Variants in GLIS3 observed in about 807,000 individuals in gnomAD.
GLIS3 encodes the protein GLIS family zinc finger 3, also known as zinc finger protein GLIS3.
A neutral mutation model predicts 78.6 loss-of-function variants in GLIS3; 53 were observed. That is an observed-to-expected ratio of 0.67 (90% CI 0.54 to 0.85). The LOEUF (loss-of-function observed/expected upper bound fraction) is 0.85, where lower values mean the gene tolerates loss of function less well. Among genes scored for constraint, GLIS3 ranks in the 40% least tolerant of loss-of-function variants. GLIS3 has a pLI of 0.00. For synonymous variants in GLIS3, 684 were observed against 509.9 expected (o/e 1.34, Z -4.60); for missense variants, 1,703 against 1,231.1 (o/e 1.38, Z -5.74).
chr9:3,998,397 G>T (rs1185093316), intron 4 of GLIS3, among the ~76,000 whole-genome samples: 1 of 152,026 alleles, frequency 6.6e-6, no homozygotes, highest in Admixed American at 6.6e-5. Context: ...ATATATCACA[G>T]AGTTTTTCTT....
At chr9:4,258,588 A>G (rs550887068) in intron 2 of GLIS3, among the ~76,000 whole-genome samples, 4 of 152,344 alleles carry the variant, frequency 2.6e-5, no homozygotes, top group East Asian at 3.9e-4. Context: ...AAGAATTCAC[A>G]TATCTGGAAG....
the GLIS3 span, among the ~76,000 whole-genome samples, chr9:4,359,281 A>C: frequency 6.6e-6 from 1 of 151,864 alleles, no homozygotes; most frequent in African/African-American, 2.4e-5. Flanking sequence ...GAGTGGCTGG[A>C]ACTGGCATAT....
At chr9:4,257,361 A>C (rs1825058956) in intron 2 of GLIS3, among the ~76,000 whole-genome samples, 1 of 152,182 alleles carries the variant, frequency 6.6e-6, no homozygotes, top group South Asian at 2.1e-4. Context: ...CAAAGGGCAC[A>C]AAGGTGCAGT....
the GLIS3 span, among the ~76,000 whole-genome samples, chr9:4,431,490 T>C: frequency 6.6e-6 from 1 of 152,176 alleles, no homozygotes; most frequent in Non-Finnish European, 1.5e-5. Flanking sequence ...GGAGTCGGGA[T>C]CTTTTCATCC....
chr9:4,243,963 C>T (rs923088045), intron 2 of GLIS3, among the ~76,000 whole-genome samples: 3 of 152,184 alleles, frequency 2.0e-5, no homozygotes, highest in Non-Finnish European at 2.9e-5. Flanking sequence ...ACAAAATGAA[C>T]TTCTTTCCCT....
chr9:4,488,764 T>G, the GLIS3 span, among the ~76,000 whole-genome samples: 2 of 152,180 alleles, frequency 1.3e-5, no homozygotes, highest in South Asian at 2.1e-4. Context: ...GTGATCCGCC[T>G]GCCTTGGCCT....
chr9:4,411,030 C>A, the GLIS3 span, among the ~76,000 whole-genome samples: 1 of 152,164 alleles, frequency 6.6e-6, no homozygotes, highest in Non-Finnish European at 1.5e-5. Context: ...AGAACCAAAA[C>A]AAGTATGTAA....
At chr9:4,196,086 T>C (rs1297160508) in intron 2 of GLIS3, among the ~76,000 whole-genome samples, 1 of 152,170 alleles carries the variant, frequency 6.6e-6, no homozygotes, top group Non-Finnish European at 1.5e-5. Flanking sequence ...CAGCACTCTG[T>C]CTAGCTCAAG....
intron 7 of GLIS3, among the ~76,000 whole-genome samples, chr9:3,886,891 C>T (rs1159501394): frequency 6.6e-6 from 1 of 152,166 alleles, no homozygotes; most frequent in African/African-American, 2.4e-5. Context: ...CTTAGCCTTG[C>T]TGCCAATGAG....
intron 4 of GLIS3, among the ~76,000 whole-genome samples, chr9:4,096,579 C>T (rs942982844): frequency 4.6e-5 from 7 of 152,056 alleles, no homozygotes; most frequent in African/African-American, 1.7e-4. Context: ...ACATTTAATC[C>T]GAATTTACTC....
chr9:4,159,332 G>A (rs1183526050), intron 2 of GLIS3, among the ~76,000 whole-genome samples: 1 of 152,104 alleles, frequency 6.6e-6, no homozygotes, highest in Non-Finnish European at 1.5e-5. Flanking sequence ...CTTTCAATAC[G>A]GATGATCATG....
At chr9:4,155,941 C>T (rs1237327301) in intron 2 of GLIS3, among the ~76,000 whole-genome samples, 4 of 152,204 alleles carry the variant, frequency 2.6e-5, no homozygotes, top group Non-Finnish European at 5.9e-5. Context: ...CTACATGCTA[C>T]TGCTATTCAT....
chr9:3,959,312 T>C (rs1817378869), intron 4 of GLIS3, among the ~76,000 whole-genome samples: 1 of 152,200 alleles, frequency 6.6e-6, no homozygotes, highest in African/African-American at 2.4e-5. Flanking sequence ...GACACTGCAT[T>C]TGCTGGCACC....
chr9:4,219,768 G>C (rs1000295841), intron 2 of GLIS3, among the ~76,000 whole-genome samples: 1 of 152,100 alleles, frequency 6.6e-6, no homozygotes, highest in African/African-American at 2.4e-5. Flanking sequence ...GGCTGGTATC[G>C]GCAGCACGTG....
intron 2 of GLIS3, among the ~76,000 whole-genome samples, chr9:4,343,217 C>A (rs1229183892): frequency 2.6e-5 from 4 of 152,102 alleles, no homozygotes; most frequent in African/African-American, 9.7e-5. Flanking sequence ...TGGCACACCC[C>A]TGTGGTCCCA....
the GLIS3 span, among the ~76,000 whole-genome samples, chr9:4,403,691 C>T: frequency 6.6e-6 from 1 of 151,982 alleles, no homozygotes; most frequent in African/African-American, 2.4e-5. Flanking sequence ...TTGCAAGACT[C>T]ATGGTAACCT....
At chr9:4,402,343 C>G in the GLIS3 span, among the ~76,000 whole-genome samples, 1 of 152,176 alleles carries the variant, frequency 6.6e-6, no homozygotes, top group South Asian at 2.1e-4. Flanking sequence ...AAAGCCTTCC[C>G]AAGAAGAACA....
At chr9:3,997,663 A>C (rs564452395) in intron 4 of GLIS3, among the ~76,000 whole-genome samples, 1 of 152,048 alleles carries the variant, frequency 6.6e-6, no homozygotes, top group Non-Finnish European at 1.5e-5. Flanking sequence ...TCATATGACT[A>C]TCTCTGCAGG....
At chr9:4,127,193 G>C (rs985031421) in intron 2 of GLIS3, among the ~76,000 whole-genome samples, 1 of 152,024 alleles carries the variant, frequency 6.6e-6, no homozygotes, top group East Asian at 1.9e-4. Flanking sequence ...CAGACTTATG[G>C]GACACTAAAA....
Sources: allele counts gnomAD v4.1 joint callset (sites outside exome capture counted in the v4.1 genomes callset), GRCh38; gene constraint gnomAD v4.1.1; transcripts MANE v1.5; gene names NCBI Gene and HGNC (gene_info 2026-07-23, HGNC 2026-07-21).